MPP2: variants seen among roughly 807,000 people sequenced by gnomAD.
MPP2 encodes MAGUK p55 subfamily member 2.
Under a neutral mutation model 58.5 loss-of-function variants are expected in MPP2, and 42 were observed. The ratio of observed to expected loss-of-function variants is 0.72; its 90% CI spans 0.56 to 0.93. The LOEUF is 0.93. Ranked by LOEUF, MPP2 falls within the 40% of genes least tolerant of loss-of-function variation. The pLI is 0.00. For synonymous variants in MPP2, 300 were observed against 307.8 expected, an observed-to-expected ratio of 0.97 and a Z score of 0.26; for missense variants, 632 against 760.4, an observed-to-expected ratio of 0.83 and a Z score of 1.99.
chr17:43,904,548 G>A lies in MPP2; in HGVS notation c.-33-55C>T, dbSNP rs1180338542. 2.0e-6 allele frequency: 3 copies of A among 1,502,186 alleles called. No homozygotes were observed. In the African/African-American group the frequency reaches 4.1e-5, roughly 21 times the overall value. The allele number at this position is 1,502,186 out of a possible 1,614,324, so 93.1% of individuals were successfully genotyped here. On this transcript the variant is annotated intron_variant, in intron 1 of 12. Coordinates refer to ENST00000269095, the MANE Select transcript of MPP2 (RefSeq NM_005374.5). ...ATACAAGGGCAAAGCAATGGGGAAG[G>A]GAATAGGAAGAGCCTCCCCTTCAGG...
At position 43,880,571 on chromosome 17, in the gene MPP2, G is replaced by T; in HGVS notation, c.1150+120C>A. On this transcript the variant is annotated intron_variant, in intron 10 of 12. Transcript: ENST00000269095. This position sits in a 1 kb window ranked among gnomAD's most constrained non-coding sequence, Gnocchi z 5.2. ...ACAGAGGGCGTGCACCCCAACCCGT[G>T]TACCCAAAGGTACCACCTGGCCTGG... The T allele has an allele frequency of 8.4e-7, 1 of 1,196,232 alleles. No individual in the cohort carries two copies. The highest frequency in any genetic ancestry group is 1.1e-6 in the Non-Finnish European group (1 of 877,954). 74.1% of individuals were successfully genotyped at this position (1,196,232 alleles called of 1,614,324 possible). A position where few individuals can be genotyped will look rare whatever the true frequency, so the allele number is the denominator to read the frequency against.
chr17:43,888,849 G>A (rs1222560643), intron 3 of MPP2, among the ~76,000 whole-genome samples: 1 of 152,110 alleles, frequency 6.6e-6, no homozygotes, highest in Non-Finnish European at 1.5e-5. Context: ...AGCTCTCCAA[G>A]CTCAACCTCA....
intron 3 of MPP2, among the ~76,000 whole-genome samples, chr17:43,890,765 T>C (rs950142469): frequency 3.3e-5 from 5 of 152,042 alleles, no homozygotes; most frequent in African/African-American, 4.8e-5. Flanking sequence ...GAGACTACCA[T>C]GTGAAGGTGG....
intron 3 of MPP2, among the ~76,000 whole-genome samples, chr17:43,894,896 T>C (rs985103503): frequency 6.6e-6 from 1 of 152,000 alleles, no homozygotes; most frequent in Non-Finnish European, 1.5e-5. Context: ...TGAGCTATAA[T>C]TGTTCCACTG....
intron 3 of MPP2, among the ~76,000 whole-genome samples, chr17:43,888,493 C>T (rs142682215): frequency 6.6e-6 from 1 of 152,364 alleles, no homozygotes; most frequent in Non-Finnish European, 1.5e-5. Context: ...ATGTTGGAAT[C>T]AAAGCCCAAA....
intron 3 of MPP2, among the ~76,000 whole-genome samples, chr17:43,889,805 G>GTT (rs869131021): frequency 0.011 from 414 of 37,860 alleles, 29 homozygotes; most frequent in African/African-American, 0.013. Flanking sequence ...GTCCAAATGC[G>GTT]TTTTTTTTTT....
At position 43,879,997 on chromosome 17, in the gene MPP2, G is replaced by A; in HGVS notation, c.1151-13C>T. 9 of 1,613,730 alleles carry A rather than the reference G, an allele frequency of 5.6e-6. No individual in the cohort carries two copies. The highest frequency in any genetic ancestry group is 1.7e-5 in the Admixed American group (1 of 60,012). Reference sequence around the variant, plus strand: ...CGCCGGGAGGTGTCTAGGGGGATGGGGGTAGGTTGGACCAAATGGGCAGGG... The same window carrying A: ...CGCCGGGAGGTGTCTAGGGGGATGGAGGTAGGTTGGACCAAATGGGCAGGG... On this transcript the variant is annotated splice_polypyrimidine_tract_variant and intron_variant, in intron 10 of 12. Coordinates refer to ENST00000269095, the MANE Select transcript of MPP2 (RefSeq NM_005374.5). This position sits in a 1 kb window ranked among gnomAD's most constrained non-coding sequence, Gnocchi z 4.1.
chr17:43,882,766 C>G, intron 5 of MPP2, 137 bp downstream of exon 5: 2 of 1,317,380 alleles, frequency 1.5e-6, no homozygotes, highest in South Asian at 1.3e-5. Flanking sequence ...CGACCCTTTG[C>G]TGCATCAATC....
chr17:43,900,498 A>G (rs1220407295), intron 2 of MPP2: 2 of 1,548,598 alleles, frequency 1.3e-6, no homozygotes, highest in East Asian at 2.4e-5. Context: ...GCTTCCTCAG[A>G]AGACTCCAGG....
At chr17:43,882,549 G>A in intron 5 of MPP2, 38 bp from the exon 6 acceptor site, 1 of 1,582,396 alleles carries the variant, frequency 6.3e-7, no homozygotes, top group Non-Finnish European at 8.6e-7. Context: ...GGCCCCAATT[G>A]CTCCAAGTCA....
At chr17:43,883,947 C>T (rs2047257227) in intron 3 of MPP2, 1 of 572,646 alleles carries the variant, frequency 1.7e-6, no homozygotes, top group African/African-American at 1.9e-5. Flanking sequence ...GAATCCTTCG[C>T]CAGTGACCAG....
At chr17:43,901,113 C>T (rs917176664) in intron 2 of MPP2, among the ~76,000 whole-genome samples, 1 of 152,144 alleles carries the variant, frequency 6.6e-6, no homozygotes, top group East Asian at 1.9e-4. Flanking sequence ...CTAAGGAAGT[C>T]CCCAAGAACG....
At position 43,890,296 on chromosome 17, in the gene MPP2, G is replaced by C. The variant is rs1460366798; in HGVS notation, c.151-6941C>G. ...ACACATGGCCCAGAACTAGAAGAGT[G>C]ATTTGAATTTCTGTGGTAGCCATTC... On this transcript the variant is annotated intron_variant, in intron 3 of 12. Coordinates refer to ENST00000269095, the MANE Select transcript of MPP2 (RefSeq NM_005374.5). Among the ~76,000 whole-genome samples the C allele has an allele frequency of 4.6e-5, 7 of 152,266 alleles. No individual in the cohort carries two copies. In the East Asian group the frequency reaches 1.3e-3, roughly 29 times the overall value.
At chr17:43,885,036 C>A (rs184406942) in intron 3 of MPP2, among the ~76,000 whole-genome samples, 46 of 151,184 alleles carry the variant, frequency 3.0e-4, no homozygotes, top group African/African-American at 1.1e-3. Context: ...GCAGGAGAAC[C>A]GCTTGAACCT....
intron 3 of MPP2, among the ~76,000 whole-genome samples, chr17:43,890,092 G>T (rs544644800): frequency 6.6e-6 from 1 of 151,940 alleles, no homozygotes; most frequent in Non-Finnish European, 1.5e-5. Context: ...GATTACAGGC[G>T]TGAGCCACCG....
In MPP2 at chr17:43,877,521, T is replaced by C; in HGVS notation, c.*286A>G. 2.4e-6 allele frequency: 1 copy of C among 418,484 alleles called. No homozygotes were observed. Among genetic ancestry groups the C allele is most frequent in the Non-Finnish European group, 4.4e-6 (1 of 225,200 alleles). The allele number at this position is 418,484 out of a possible 1,614,324, so 25.9% of individuals were successfully genotyped here. A position where few individuals can be genotyped will look rare whatever the true frequency, so the allele number is the denominator to read the frequency against. On this transcript the variant is annotated 3_prime_UTR_variant, in exon 13 of 13. Coordinates refer to ENST00000269095, the MANE Select transcript of MPP2 (RefSeq NM_005374.5). ...TTCTCTGTACTGACCATTATGGAGG[T>C]GACTCTGACACATTCCTGGGCATAG...
At chr17:43,894,444 T>TATAC (rs1437854675) in intron 3 of MPP2, among the ~76,000 whole-genome samples, 2 of 81,268 alleles carry the variant, frequency 2.5e-5, no homozygotes, top group African/African-American at 4.3e-5. Flanking sequence ...TATATATATA[T>TATAC]ACACACACAC....
In MPP2 at chr17:43,879,248, C is replaced by T; in HGVS notation, c.1482+27G>A. 6.3e-7 allele frequency: 1 copy of T among 1,595,696 alleles called. No homozygotes were observed. The highest frequency in any genetic ancestry group is 8.6e-7 in the Non-Finnish European group (1 of 1,166,380). ...CCACCACCCTAGGCAGCTATCAGAC[C>T]CCTCCCCCACACCTCAGAGCCCTCA... On this transcript the variant is annotated intron_variant, in intron 12 of 12. Transcript: ENST00000269095. The surrounding 1 kb of genome is among the most constrained non-coding windows in gnomAD (Gnocchi z 4.1).
chr17:43,902,077 A>C (rs2048115356), intron 2 of MPP2, among the ~76,000 whole-genome samples: 1 of 152,196 alleles, frequency 6.6e-6, no homozygotes, highest in Non-Finnish European at 1.5e-5. Flanking sequence ...AGAATCCACC[A>C]TTAGATTTTT....
Sources: gnomAD v4.1 joint callset for allele counts (sites outside exome capture counted in the v4.1 genomes callset) on GRCh38, gnomAD v4.1.1 for gene constraint, Gnocchi (gnomAD v3.1) non-coding constraint, MANE v1.5 for transcripts, NCBI Gene and HGNC (gene_info 2026-07-23, HGNC 2026-07-21) for gene names.